The following COL19A1 variants were observed in gnomAD, a reference collection of about 807,000 sequenced individuals.
COL19A1 encodes collagen type XIX alpha 1 chain.
In COL19A1, 159 loss-of-function variants were observed where a neutral mutation model predicts 190.2. The observed-to-expected ratio is 0.84, with a 90% CI of 0.73 to 0.95. The LOEUF is 0.95. COL19A1 is among the 40% of genes least tolerant of loss of function. The pLI is 0.00. For missense variants in COL19A1, 1,418 were observed against 1,431.9 expected, an observed-to-expected ratio of 0.99 and a Z score of 0.16; for synonymous variants, 509 against 458.9, an observed-to-expected ratio of 1.11 and a Z score of -1.39.
intron 40 of COL19A1, 91 bp downstream of exon 40, chr6:70,168,772 TA>T: frequency 7.4e-7 from 1 of 1,345,120 alleles, no homozygotes; most frequent in Non-Finnish European, 1.0e-6. Context: ...CCTGCCTTCT[TA>T]GGTGTTCATC....
chr6:69,953,623 T>C (rs1195643268), intron 9 of COL19A1, among the ~76,000 whole-genome samples: 1 of 152,034 alleles, frequency 6.6e-6, no homozygotes, highest in African/African-American at 2.4e-5. Flanking sequence ...TGGTTTCTTA[T>C]TCCCTTCTAA....
At chr6:70,155,024 A>G (rs1787350300) in intron 31 of COL19A1, among the ~76,000 whole-genome samples, 1 of 152,116 alleles carries the variant, frequency 6.6e-6, no homozygotes, top group African/African-American at 2.4e-5. Flanking sequence ...CCTGGGAACA[A>G]TACTTTGCAT....
At chr6:70,023,807 A>G (rs1056985090) in intron 12 of COL19A1, 127 bp downstream of exon 12, 2 of 764,664 alleles carry the variant, frequency 2.6e-6, no homozygotes, top group Non-Finnish European at 2.0e-6. Flanking sequence ...ATTAAGAATC[A>G]TGGTGTTCTT....
intron 4 of COL19A1, among the ~76,000 whole-genome samples, chr6:69,913,020 T>A (rs1195729660): frequency 1.3e-5 from 2 of 152,110 alleles, no homozygotes; most frequent in East Asian, 3.9e-4. Flanking sequence ...CCCAGGGAGG[T>A]TGAGGCTGCA....
intron 46 of COL19A1, among the ~76,000 whole-genome samples, chr6:70,187,085 G>A (rs1052546811): frequency 3.9e-5 from 6 of 151,996 alleles, no homozygotes; most frequent in African/African-American, 1.2e-4. Context: ...TCTCCATGTT[G>A]GTCAGGCTGG....
intron 1 of COL19A1, among the ~76,000 whole-genome samples, chr6:69,874,611 C>T (rs1302342042): frequency 6.6e-6 from 1 of 152,008 alleles, no homozygotes; most frequent in African/African-American, 2.4e-5. Context: ...ATTAGCCGGG[C>T]ATGGTGGTGG....
At chr6:70,013,578 A>G (rs1187845234) in intron 11 of COL19A1, among the ~76,000 whole-genome samples, 7 of 46,094 alleles carry the variant, frequency 1.5e-4, no homozygotes, top group Admixed American at 5.5e-4. Context: ...AGAATACTAC[A>G]AACACCTCTA....
chr6:70,065,145 G>A (rs563699948), intron 14 of COL19A1, among the ~76,000 whole-genome samples: 5 of 152,132 alleles, frequency 3.3e-5, no homozygotes, highest in African/African-American at 9.7e-5. Flanking sequence ...AGCCAGCATT[G>A]CCAAGTCAAT....
chr6:70,158,221 C>T (rs1476359576), intron 34 of COL19A1, among the ~76,000 whole-genome samples: 2 of 151,962 alleles, frequency 1.3e-5, no homozygotes, highest in Non-Finnish European at 1.5e-5. Context: ...TGGGAAATAA[C>T]GGATATAATC....
At chr6:69,963,655 A>G (rs74896886) in intron 11 of COL19A1, among the ~76,000 whole-genome samples, 13,013 of 152,270 alleles carry the variant, frequency 0.085, 661 homozygotes, top group East Asian at 0.2. Flanking sequence ...TCAGCCTCCC[A>G]AAGTCCAGAG....
chr6:70,027,113 G>T (rs935840121), intron 12 of COL19A1, among the ~76,000 whole-genome samples: 4 of 152,098 alleles, frequency 2.6e-5, no homozygotes, highest in African/African-American at 9.7e-5. Context: ...CAGAAATATT[G>T]TCTTAGAATG....
intron 2 of COL19A1, among the ~76,000 whole-genome samples, chr6:69,881,898 C>G (rs73478064): frequency 0.011 from 1,615 of 152,286 alleles, 24 homozygotes; most frequent in African/African-American, 0.033. Flanking sequence ...ACAAGCTGGG[C>G]ATGGCCTGGA....
rs985307337 is a variant in COL19A1, at chr6:69,928,133, C to T, written c.390+101C>T. 7 of 1,459,582 alleles carry T rather than the reference C, an allele frequency of 4.8e-6. No individual in the cohort carries two copies. In the African/African-American group the frequency reaches 9.8e-5, roughly 21 times the overall value. The allele number at this position is 1,459,582 out of a possible 1,614,324, so 90.4% of individuals were successfully genotyped here. Reference sequence around the variant, plus strand: ...CAAATTTGCGAGTAGATCTAGTATCCAAATGTTCTATCCTTTAGAGGGATC... The same window carrying T: ...CAAATTTGCGAGTAGATCTAGTATCTAAATGTTCTATCCTTTAGAGGGATC... On this transcript the variant is annotated intron_variant, in intron 5 of 50. Coordinates refer to ENST00000620364, the MANE Select transcript of COL19A1 (RefSeq NM_001858.6).
At chr6:69,957,488 C>T (rs1225795631) in intron 9 of COL19A1, among the ~76,000 whole-genome samples, 4 of 151,914 alleles carry the variant, frequency 2.6e-5, no homozygotes, top group African/African-American at 9.7e-5. Context: ...TATTTATTAA[C>T]TTATCTTCCT....
chr6:70,173,221 A>C (rs1205007757), intron 41 of COL19A1, among the ~76,000 whole-genome samples: 1 of 152,216 alleles, frequency 6.6e-6, no homozygotes, highest in Non-Finnish European at 1.5e-5. Flanking sequence ...TTGAGTAGGC[A>C]GTCTGATATA....
chr6:70,110,507 T>C (rs1784225225), intron 16 of COL19A1, among the ~76,000 whole-genome samples: 1 of 152,188 alleles, frequency 6.6e-6, no homozygotes, highest in Non-Finnish European at 1.5e-5. Flanking sequence ...GAGACATGGC[T>C]AGTTAATCAT....
At chr6:69,868,753 T>C (rs764424601) in intron 1 of COL19A1, among the ~76,000 whole-genome samples, 3 of 152,246 alleles carry the variant, frequency 2.0e-5, no homozygotes, top group Admixed American at 2.0e-4. Flanking sequence ...AGATGGGAAC[T>C]GTTGGTATTT....
At chr6:70,202,055 C>T (rs900862914) in intron 49 of COL19A1, among the ~76,000 whole-genome samples, 2 of 152,150 alleles carry the variant, frequency 1.3e-5, no homozygotes, top group African/African-American at 2.4e-5. Context: ...CCAGTGACCA[C>T]GCAAACCTCG....
chr6:69,899,835 A>C (rs952558679), intron 3 of COL19A1, among the ~76,000 whole-genome samples: 2 of 152,118 alleles, frequency 1.3e-5, no homozygotes, highest in African/African-American at 4.8e-5. Context: ...ATCAATACAC[A>C]TTTCTTTAAA....
Sources: allele counts gnomAD v4.1 joint callset (sites outside exome capture counted in the v4.1 genomes callset), GRCh38; gene constraint gnomAD v4.1.1; transcripts MANE v1.5; gene names NCBI Gene and HGNC (gene_info 2026-07-23, HGNC 2026-07-21).